The following RADIL variants were observed in gnomAD, a reference collection of about 807,000 sequenced individuals.
The protein encoded by RADIL is ras-associating and dilute domain-containing protein.
A neutral mutation model predicts 97.6 loss-of-function variants in RADIL; 99 were observed. That is an observed-to-expected ratio of 1.01 (90% CI 0.86 to 1.20). RADIL has a LOEUF of 1.20. Ranked by LOEUF, RADIL falls within the 50% of genes most tolerant of loss-of-function variation. RADIL has a pLI of 0.00. For synonymous variants in RADIL, 803 were observed against 691.8 expected (o/e 1.16, Z -2.52); for missense variants, 1,765 against 1,498.9 (o/e 1.18, Z -2.93).
At chr7:4,865,350 C>T in intron 2 of RADIL, 1 of 573,522 alleles carries the variant, frequency 1.7e-6, no homozygotes, top group Non-Finnish European at 3.2e-6. Context: ...TTTACTGTTT[C>T]TTTTCTGTGT....
At chr7:4,845,919 G>A (rs1013286261) in intron 2 of RADIL, among the ~76,000 whole-genome samples, 3 of 152,100 alleles carry the variant, frequency 2.0e-5, no homozygotes, top group South Asian at 4.1e-4. Context: ...TCCTCCAGCC[G>A]AAACCAGGGG....
chr7:4,802,395 C>A (rs1583256788), intron 11 of RADIL, among the ~76,000 whole-genome samples: 1 of 133,522 alleles, frequency 7.5e-6, no homozygotes, highest in Non-Finnish European at 1.6e-5. Flanking sequence ...TACCTCGGGG[C>A]ACGCTGGCTG....
rs1782841390 is a variant in RADIL, at chr7:4,821,842, C to T, written c.1615+552G>A. The stretch of plus-strand genomic sequence containing the variant: ...TTGCACTCCAGCCTGGGTGACAGAG[C>T]GAGACTCCGTCTCAAAAAAAGAAAA... On this transcript the variant is annotated intron_variant, in intron 6 of 14. Coordinates refer to ENST00000399583, the MANE Select transcript of RADIL (RefSeq NM_018059.5). The surrounding 1 kb of genome is among the most constrained non-coding windows in gnomAD (Gnocchi z 5.2). Among the ~76,000 whole-genome samples the T allele has an allele frequency of 2.0e-5, 3 of 152,038 alleles. No homozygotes were observed. The highest frequency in any genetic ancestry group is 4.4e-5 in the Non-Finnish European group (3 of 68,016).
chr7:4,836,206 T>C, intron 3 of RADIL, 152 bp downstream of exon 3: 1 of 1,243,842 alleles, frequency 8.0e-7, no homozygotes, highest in South Asian at 1.4e-5. Flanking sequence ...GCCCCCGCCA[T>C]CCCACTCCAC....
intron 2 of RADIL, among the ~76,000 whole-genome samples, chr7:4,865,027 C>G (rs974254963): frequency 6.6e-6 from 1 of 152,236 alleles, no homozygotes; most frequent in African/African-American, 2.4e-5. Flanking sequence ...GGCCTTCTTG[C>G]AGTGCCTGCC....
rs1392516152 is a variant in RADIL at position 4,877,852 on chromosome 7, C to T, written c.288G>A (p.Ala96=). 5.6e-6 allele frequency: 9 copies of T among 1,606,306 alleles called. No individual in the cohort carries two copies. Among genetic ancestry groups the T allele is most frequent in the Middle Eastern group, 1.6e-4 (1 of 6,062 alleles). Residue 96 remains alanine, a synonymous_variant, in exon 2 of 15, where the codon GCG becomes GCA. Coordinates refer to ENST00000399583, the MANE Select transcript of RADIL (RefSeq NM_018059.5). The part of the protein sequence containing the change: ...TSSARELVKE[A]LERYALDPRQ... ...TGGGGTCCAGGGCGTACCGCTCCAGCGCCTCCTTCACCAGCTCACGGGCGC... is the reference window on the plus strand; with the variant it reads ...TGGGGTCCAGGGCGTACCGCTCCAGTGCCTCCTTCACCAGCTCACGGGCGC...
Position 4,816,461 on chromosome 7 carries a change from A to G in RADIL, c.1733T>C (p.Leu578Pro). The G allele has an allele frequency of 6.2e-7, 1 of 1,605,750 alleles. No individual in the cohort carries two copies. Among genetic ancestry groups the G allele is most frequent in the Non-Finnish European group, 8.5e-7 (1 of 1,176,278 alleles). ...QQCVYYVSKS[L>P]YICLPALLEC... is the part of the protein sequence containing the mutation. The stretch of plus-strand genomic sequence containing the variant: ...CAGGAGTGCCGGGAGGCAGATGTAC[A>G]GGGACTGGCGGGGGCAAGAGGAGAA... The change falls in exon 8 of 15, where the codon CTG (leucine) becomes CCG (proline). Residue 578 changes from leucine (L) to proline (P), a missense_variant. Transcript: ENST00000399583.
In RADIL at chr7:4,800,315, G is replaced by C; in HGVS notation, c.2843-5C>G. The C allele has an allele frequency of 6.9e-7, 1 of 1,446,026 alleles. No individual in the cohort carries two copies. The highest frequency in any genetic ancestry group is 1.5e-5 in the South Asian group (1 of 67,900). The allele number at this position is 1,446,026 out of a possible 1,614,324, so 89.6% of individuals were successfully genotyped here. A position where few individuals can be genotyped will look rare whatever the true frequency, so the allele number is the denominator to read the frequency against. The stretch of plus-strand genomic sequence containing the variant: ...CCGCAAGGGCTGCAGAGTCTCCTGG[G>C]TGGGGGCCAGGAAAGGTGGGTGGGA... On this transcript the variant is annotated splice_region_variant and splice_polypyrimidine_tract_variant and intron_variant, in intron 12 of 14. Transcript: ENST00000399583.
At chr7:4,869,654 C>T (rs947089465) in intron 2 of RADIL, among the ~76,000 whole-genome samples, 1 of 151,930 alleles carries the variant, frequency 6.6e-6, no homozygotes, top group African/African-American at 2.4e-5. Context: ...GGTATTTGGT[C>T]TGCATCTGCA....
At chr7:4,831,998 A>C (rs541709732) in intron 5 of RADIL, 143 bp downstream of exon 5, 1 of 838,066 alleles carries the variant, frequency 1.2e-6, no homozygotes, top group South Asian at 1.7e-5. Flanking sequence ...AGAAGCAAAA[A>C]AGGCCGCTGC....
In RADIL at chr7:4,837,214, A is replaced by G. The variant is rs1278403802; in HGVS notation, c.536-609T>C. On this transcript the variant is annotated intron_variant, in intron 2 of 14. Coordinates refer to ENST00000399583, the MANE Select transcript of RADIL (RefSeq NM_018059.5). The surrounding 1 kb of genome is among the most constrained non-coding windows in gnomAD (Gnocchi z 5.6). ...CTCCCCTGCAGCAGCCCAGGGTCACACCGCGGCCTGCCCGACCAGCCAGCA... is the reference window on the plus strand; with the variant it reads ...CTCCCCTGCAGCAGCCCAGGGTCACGCCGCGGCCTGCCCGACCAGCCAGCA... 6.6e-6 allele frequency among the ~76,000 whole-genome samples: 1 copy of G among 152,096 alleles called. No individual in the cohort carries two copies. Among genetic ancestry groups the G allele is most frequent in the South Asian group, 2.1e-4 (1 of 4,798 alleles).
chr7:4,813,104 CCTTT>C lies in RADIL; in HGVS notation c.2139+2170_2139+2173del, dbSNP rs148471896. Among the ~76,000 whole-genome samples the C allele has an allele frequency of 0.016, 2,340 of 147,278 alleles. 64 individuals carry two copies. The highest frequency in any genetic ancestry group is 0.056 in the African/African-American group (2,211 of 39,428). ...TCTCTCTCTCTCTCTCTCTCTCTTT[CCTTT>C]CTTTCTTTCTTTTCTTTCTTTCATA... is the stretch of plus-strand genomic sequence containing the variant. On this transcript the variant is annotated intron_variant, in intron 9 of 14. Coordinates refer to ENST00000399583, the MANE Select transcript of RADIL (RefSeq NM_018059.5). The surrounding 1 kb of genome is among the most constrained non-coding windows in gnomAD (Gnocchi z 5.0).
intron 2 of RADIL, among the ~76,000 whole-genome samples, chr7:4,864,177 G>T (rs1784083196): frequency 6.6e-6 from 1 of 152,146 alleles, no homozygotes; most frequent in African/African-American, 2.4e-5. Context: ...TGACCTCCAT[G>T]TTGCCCAACC....
intron 2 of RADIL, among the ~76,000 whole-genome samples, chr7:4,850,502 C>T (rs1371831822): frequency 1.3e-5 from 2 of 152,216 alleles, no homozygotes; most frequent in Non-Finnish European, 2.9e-5. Flanking sequence ...TGTGCTCCTT[C>T]AAAGCCCAGA....
chr7:4,859,734 C>A (rs76212600), intron 2 of RADIL: 2 of 595,956 alleles, frequency 3.4e-6, no homozygotes, highest in Non-Finnish European at 3.0e-6. Flanking sequence ...ACAGGGATAC[C>A]GGAAAGATCT....
chr7:4,876,469 T>A (rs1187608901), intron 2 of RADIL, among the ~76,000 whole-genome samples: 3 of 151,900 alleles, frequency 2.0e-5, no homozygotes, highest in Admixed American at 6.6e-5. Context: ...CCCGGCTAAT[T>A]TTTGTATTTT....
rs974480229 is a variant in RADIL, at chr7:4,875,099, G to C, written c.535+2506C>G. On this transcript the variant is annotated intron_variant, in intron 2 of 14. Coordinates refer to ENST00000399583, the MANE Select transcript of RADIL (RefSeq NM_018059.5). ...CCCAGCTACTCGGGAGGCTGAGGCA[G>C]GAGAATGGCGTGAACCCGGGAGGCG... 1.0e-4 allele frequency among the ~76,000 whole-genome samples: 15 copies of C among 144,840 alleles called. 1 individual carries two copies. The highest frequency in any genetic ancestry group is 6.3e-4 in the South Asian group (3 of 4,778).
intron 5 of RADIL, among the ~76,000 whole-genome samples, chr7:4,825,877 G>A (rs149566074): frequency 0.04 from 4,577 of 114,480 alleles, 271 homozygotes; most frequent in African/African-American, 0.15. Context: ...GCGAGACTCC[G>A]TCTCAGAAAA....
Position 4,877,670 on chromosome 7 carries a change from A to G in RADIL, c.470T>C (p.Phe157Ser), listed in dbSNP as rs1384909291. 1.2e-6 allele frequency: 2 copies of G among 1,613,868 alleles called. No individual in the cohort carries two copies. Among genetic ancestry groups the G allele is most frequent in the African/African-American group, 1.3e-5 (1 of 74,908 alleles). Residue 157 changes from phenylalanine (F) to serine (S), a missense_variant, in exon 2 of 15, where the codon TTT becomes TCT. Transcript: ENST00000399583. Reference protein sequence around the residue: ...WKPREGLSRRFELRKRSDVEE... With the variant: ...WKPREGLSRRSELRKRSDVEE... The stretch of plus-strand genomic sequence containing the variant: ...CACGTCCGACCTCTTCCTCAGCTCA[A>G]ACCTCCGGGATAAACCTTCTCGGGG...
Sources: gnomAD v4.1 joint callset for allele counts (sites outside exome capture counted in the v4.1 genomes callset) on GRCh38, gnomAD v4.1.1 for gene constraint, Gnocchi (gnomAD v3.1) non-coding constraint, MANE v1.5 for transcripts, NCBI Gene and HGNC (gene_info 2026-07-23, HGNC 2026-07-21) for gene names.